ZNF420: variants seen among roughly 807,000 people sequenced by gnomAD.
The protein encoded by ZNF420 is ATM and p53-associated KZNF protein.
In ZNF420, 31 loss-of-function variants were observed where a neutral mutation model predicts 44.7. The observed-to-expected ratio is 0.69, with a 90% CI of 0.52 to 0.94. The LOEUF (loss-of-function observed/expected upper bound fraction) is 0.94. Among genes scored for constraint, ZNF420 ranks in the 40% least tolerant of loss-of-function variants. ZNF420 has a pLI of 0.00. For synonymous variants in ZNF420, 245 were observed against 267.4 expected (o/e 0.92, Z 0.82); for missense variants, 681 against 827.9 (o/e 0.82, Z 2.18).
At chr19:37,015,741 C>T (rs1455045091) in intron 1 of ZNF420, among the ~76,000 whole-genome samples, 1 of 152,166 alleles carries the variant, frequency 6.6e-6, no homozygotes, top group African/African-American at 2.4e-5. Context: ...CCTGTCCACA[C>T]CATGGCCTGG....
intron 1 of ZNF420, among the ~76,000 whole-genome samples, chr19:37,041,116 G>T (rs1263573033): frequency 6.6e-6 from 1 of 151,996 alleles, no homozygotes. Flanking sequence ...CTGAGGTCAG[G>T]AGTTCAAGAC....
intron 1 of ZNF420, among the ~76,000 whole-genome samples, chr19:37,050,378 C>T (rs2146422623): frequency 6.6e-6 from 1 of 152,126 alleles, no homozygotes; most frequent in African/African-American, 2.4e-5. Context: ...TGTTTGTATC[C>T]TCTTTTATTT....
At chr19:37,084,991 C>T (rs1382687245) in intron 2 of ZNF420, among the ~76,000 whole-genome samples, 1 of 151,902 alleles carries the variant, frequency 6.6e-6, no homozygotes, top group South Asian at 2.1e-4. Context: ...GGATTTTGTG[C>T]TTATTTTTAT....
At chr19:37,030,658 C>T (rs1164543799) in intron 1 of ZNF420, among the ~76,000 whole-genome samples, 1 of 152,108 alleles carries the variant, frequency 6.6e-6, no homozygotes, top group Non-Finnish European at 1.5e-5. Context: ...TATGCAGGTG[C>T]CATACACACA....
intron 1 of ZNF420, among the ~76,000 whole-genome samples, chr19:37,049,680 G>T (rs1967604322): frequency 6.6e-6 from 1 of 152,190 alleles, no homozygotes; most frequent in South Asian, 2.1e-4. Flanking sequence ...TGTTCACTCT[G>T]ATGGTAGTTT....
At chr19:37,122,873 T>C (rs73618081) in intron 4 of ZNF420, among the ~76,000 whole-genome samples, 2,957 of 152,270 alleles carry the variant, frequency 0.019, 79 homozygotes, top group East Asian at 0.05. Flanking sequence ...AAACTTATAT[T>C]TGTAATCCAG....
At chr19:37,032,507 G>GA (rs35765701) in intron 1 of ZNF420, among the ~76,000 whole-genome samples, 11,761 of 124,064 alleles carry the variant, frequency 0.095, 750 homozygotes, top group African/African-American at 0.18. Context: ...CGGTCTTTAA[G>GA]AAAAAAAAAA....
At chr19:37,033,758 T>C (rs1434383721) in intron 1 of ZNF420, among the ~76,000 whole-genome samples, 2 of 152,146 alleles carry the variant, frequency 1.3e-5, no homozygotes, top group Non-Finnish European at 2.9e-5. Context: ...TCCATTTTTA[T>C]TTATTTATTT....
At position 37,127,990 on chromosome 19, in the gene ZNF420, A is replaced by T; in HGVS notation, c.999A>T (p.Lys333Asn). The change falls in exon 5 of 5, where the codon AAA becomes AAT. Residue 333 changes from lysine (K) to asparagine (N), a missense_variant. By Grantham distance (94) the Lys-to-Asn change is moderately conservative (BLOSUM62 0). This residue lies in a region of ZNF420 where 51 missense variants were observed against 106.8 expected (regional missense o/e 0.48). Coordinates refer to ENST00000337995, the MANE Select transcript of ZNF420 (RefSeq NM_144689.5). ...SQHQKIHNGE[K>N]PYECKECGRA... ...ATCAGAAAATTCATAATGGGGAAAA[A>T]CCATATGAATGTAAGGAATGTGGAA... 6.2e-7 allele frequency: 1 copy of T among 1,613,900 alleles called. No homozygotes were observed. Among genetic ancestry groups the T allele is most frequent in the Non-Finnish European group, 8.5e-7 (1 of 1,179,926 alleles).
At chr19:37,022,681 C>T (rs2074658281) in intron 1 of ZNF420, among the ~76,000 whole-genome samples, 1 of 152,098 alleles carries the variant, frequency 6.6e-6, no homozygotes, top group South Asian at 2.1e-4. Flanking sequence ...ACAGTACATT[C>T]TAGATAGTGT....
intron 1 of ZNF420, among the ~76,000 whole-genome samples, chr19:37,032,112 A>G (rs1967270605): frequency 6.6e-6 from 1 of 152,118 alleles, no homozygotes; most frequent in Non-Finnish European, 1.5e-5. Flanking sequence ...TGGGAGGCCA[A>G]GGCAGGCAGA....
intron 1 of ZNF420, among the ~76,000 whole-genome samples, chr19:37,034,361 G>A (rs1372208179): frequency 6.6e-6 from 1 of 152,066 alleles, no homozygotes; most frequent in Non-Finnish European, 1.5e-5. Context: ...TTTTAGTTAG[G>A]TTGTTTATTG....
chr19:37,064,527 C>A (rs961689485), intron 1 of ZNF420, among the ~76,000 whole-genome samples: 8 of 152,052 alleles, frequency 5.3e-5, no homozygotes, highest in Admixed American at 6.6e-5. Context: ...TGGAATCAAT[C>A]ATTTCTTCAA....
intron 1 of ZNF420, among the ~76,000 whole-genome samples, chr19:37,067,313 CT>C (rs1396175721): frequency 1.3e-5 from 2 of 152,038 alleles, no homozygotes; most frequent in Non-Finnish European, 1.5e-5. Flanking sequence ...ACCTAAAAAG[CT>C]GTAACTAGAT....
At chr19:37,085,529 A>C (rs1283373018) in intron 2 of ZNF420, among the ~76,000 whole-genome samples, 1 of 152,134 alleles carries the variant, frequency 6.6e-6, no homozygotes, top group Admixed American at 6.5e-5. Context: ...ACAGTCTCTA[A>C]AGGGAGTTGC....
At chr19:37,103,557 A>G (rs564706414) in intron 4 of ZNF420, among the ~76,000 whole-genome samples, 130 of 152,340 alleles carry the variant, frequency 8.5e-4, no homozygotes, top group African/African-American at 2.9e-3. Context: ...GATCTCACTG[A>G]GAAAACTGAA....
chr19:37,124,553 T>C (rs1272195675), intron 4 of ZNF420, among the ~76,000 whole-genome samples: 1 of 152,264 alleles, frequency 6.6e-6, no homozygotes, highest in Admixed American at 6.5e-5. Context: ...TGTTTTGCAC[T>C]CTCAGCAACA....
chr19:37,043,860 G>A (rs1161200710), intron 1 of ZNF420, among the ~76,000 whole-genome samples: 1 of 152,134 alleles, frequency 6.6e-6, no homozygotes, highest in African/African-American at 2.4e-5. Context: ...GATGGAGGAA[G>A]CTACTTATGG....
chr19:37,118,528 A>G (rs1970825939), intron 4 of ZNF420, among the ~76,000 whole-genome samples: 1 of 152,214 alleles, frequency 6.6e-6, no homozygotes, highest in Non-Finnish European at 1.5e-5. Context: ...CCAAATTGTA[A>G]AGACCATCAA....
Sources: allele counts gnomAD v4.1 joint callset (sites outside exome capture counted in the v4.1 genomes callset), GRCh38; gene constraint gnomAD v4.1.1; regional missense constraint gnomAD v4.1.1; transcripts MANE v1.5; gene names NCBI Gene and HGNC (gene_info 2026-07-23, HGNC 2026-07-21).